The following TAFA5 variants were observed in gnomAD, a reference collection of about 807,000 sequenced individuals.
The protein encoded by TAFA5 is TAFA chemokine like family member 5.
A neutral mutation model predicts 15.3 loss-of-function variants in TAFA5; 6 were observed. The observed-to-expected ratio is 0.39, with a 90% CI of 0.21 to 0.77. The LOEUF (loss-of-function observed/expected upper bound fraction) is 0.77, where lower values mean the gene tolerates loss of function less well. TAFA5 is among the 30% of genes least tolerant of loss of function. The pLI, the probability that TAFA5 is intolerant of heterozygous loss-of-function variation, is 0.41. For synonymous variants in TAFA5, 103 were observed against 80.7 expected, an observed-to-expected ratio of 1.28 and a Z score of -1.48; for missense variants, 161 against 193.1, an observed-to-expected ratio of 0.83 and a Z score of 0.98.
chr22:48,658,927 C>A (rs1927340003), intron 2 of TAFA5, among the ~76,000 whole-genome samples: 1 of 152,184 alleles, frequency 6.6e-6, no homozygotes, highest in Admixed American at 6.5e-5. Flanking sequence ...GGAACCATGG[C>A]CTCAGACTGC....
chr22:48,694,646 C>G (rs1928645266), intron 2 of TAFA5, among the ~76,000 whole-genome samples: 1 of 152,128 alleles, frequency 6.6e-6, no homozygotes, highest in Non-Finnish European at 1.5e-5. Flanking sequence ...TGGTACTGCT[C>G]CCGGGCAGTG....
intron 2 of TAFA5, among the ~76,000 whole-genome samples, chr22:48,682,811 TGC>T (rs1455338061): frequency 3.3e-5 from 5 of 152,132 alleles, no homozygotes; most frequent in Admixed American, 3.3e-4. Flanking sequence ...TTTTTTTTTG[TGC>T]GTGTGTTTAT....
intron 2 of TAFA5, among the ~76,000 whole-genome samples, chr22:48,678,913 C>CATCCCTCTCCT (rs1928067615): frequency 2.3e-5 from 1 of 43,420 alleles, no homozygotes. Flanking sequence ...CCCGGCTCCC[C>CATCCCTCTCCT]GGCTCCCCAG....
chr22:48,658,013 A>G (rs1164532652), intron 2 of TAFA5, among the ~76,000 whole-genome samples: 1 of 152,218 alleles, frequency 6.6e-6, no homozygotes, highest in Non-Finnish European at 1.5e-5. Context: ...CGTCTACAAG[A>G]AGAAATATCT....
At chr22:48,725,507 G>A (rs946656630) in intron 3 of TAFA5, among the ~76,000 whole-genome samples, 4 of 152,086 alleles carry the variant, frequency 2.6e-5, no homozygotes, top group African/African-American at 7.2e-5. Flanking sequence ...CTGCATGGCC[G>A]TGACCCAGGA....
intron 1 of TAFA5, among the ~76,000 whole-genome samples, chr22:48,511,134 G>C (rs1383679990): frequency 6.6e-6 from 1 of 152,224 alleles, no homozygotes; most frequent in African/African-American, 2.4e-5. Flanking sequence ...TCAGGAAGCA[G>C]GGACAGCCCT....
At chr22:48,700,001 A>G (rs1928853443) in intron 2 of TAFA5, among the ~76,000 whole-genome samples, 1 of 152,040 alleles carries the variant, frequency 6.6e-6, no homozygotes, top group South Asian at 2.1e-4. Flanking sequence ...CCTTTGCTGG[A>G]TGTGATGTCT....
chr22:48,634,670 G>A (rs1926380301), intron 1 of TAFA5, among the ~76,000 whole-genome samples: 1 of 141,940 alleles, frequency 7.0e-6, no homozygotes, highest in African/African-American at 2.6e-5. Flanking sequence ...CTCACTCACT[G>A]AGTCACTCAG....
chr22:48,679,789 C>T (rs1928119941), intron 2 of TAFA5, among the ~76,000 whole-genome samples: 1 of 152,044 alleles, frequency 6.6e-6, no homozygotes. Flanking sequence ...CCTGTCCATC[C>T]CTCTCCTGGT....
chr22:48,749,488 G>A (rs131958), intron 3 of TAFA5, among the ~76,000 whole-genome samples: 49,933 of 152,110 alleles, frequency 0.33, 9,409 homozygotes, highest in Non-Finnish European at 0.43. Flanking sequence ...ATTGGATACA[G>A]GGAATAGGGA....
chr22:48,538,212 A>G (rs112143969), intron 1 of TAFA5, among the ~76,000 whole-genome samples: 23,424 of 151,384 alleles, frequency 0.15, 2,242 homozygotes, highest in African/African-American at 0.26. Flanking sequence ...CTGGCGCTCT[A>G]CCGAAAGTCG....
chr22:48,649,792 C>T (rs1216137529), intron 2 of TAFA5, among the ~76,000 whole-genome samples: 1 of 152,182 alleles, frequency 6.6e-6, no homozygotes, highest in Non-Finnish European at 1.5e-5. Flanking sequence ...CGGTGCCCTG[C>T]ACGGCCAAGG....
At chr22:48,631,720 G>C (rs1186264654) in intron 1 of TAFA5, among the ~76,000 whole-genome samples, 16 of 152,216 alleles carry the variant, frequency 1.1e-4, no homozygotes, top group Admixed American at 1.0e-3. Context: ...TGGATCTCAC[G>C]TTGAGAGGAC....
intron 3 of TAFA5, among the ~76,000 whole-genome samples, chr22:48,745,915 G>A (rs960538489): frequency 5.9e-5 from 9 of 152,184 alleles, no homozygotes; most frequent in South Asian, 2.1e-4. Flanking sequence ...AGGGCGGGCC[G>A]GTGAGCTGAG....
chr22:48,638,286 G>A (rs1926525276), intron 1 of TAFA5, among the ~76,000 whole-genome samples: 1 of 128,460 alleles, frequency 7.8e-6, no homozygotes, highest in African/African-American at 3.0e-5. Context: ...CCCCTCCCCT[G>A]ACACTAAGCC....
chr22:48,573,546 C>T lies in TAFA5; in HGVS notation c.113-73051C>T, dbSNP rs146493843. ...TAACTCACTCTTCGGAAGCCCTACA[C>T]GAGGTTCTTGAGTTTGCAGCTGTGA... On this transcript the variant is annotated intron_variant, in intron 1 of 3. Coordinates refer to ENST00000402357, the MANE Select transcript of TAFA5 (RefSeq NM_001082967.3). Among the ~76,000 whole-genome samples the T allele has an allele frequency of 9.4e-3, 1,426 of 152,278 alleles. 13 individuals carry two copies. Among genetic ancestry groups the T allele is most frequent in the Non-Finnish European group, 0.014 (967 of 68,032 alleles).
chr22:48,594,209 T>G (rs1448716311), intron 1 of TAFA5, among the ~76,000 whole-genome samples: 1 of 152,122 alleles, frequency 6.6e-6, no homozygotes, highest in Non-Finnish European at 1.5e-5. Flanking sequence ...CTGCCCGGCG[T>G]TGGGGTGCAG....
intron 2 of TAFA5, among the ~76,000 whole-genome samples, chr22:48,690,317 A>G (rs1222458985): frequency 2.0e-5 from 3 of 152,102 alleles, no homozygotes; most frequent in Non-Finnish European, 4.4e-5. Flanking sequence ...TGGACTCCAC[A>G]TTCCAGAAAG....
chr22:48,684,970 G>C (rs1490151893), intron 2 of TAFA5, among the ~76,000 whole-genome samples: 3 of 152,214 alleles, frequency 2.0e-5, no homozygotes, highest in African/African-American at 7.2e-5. Flanking sequence ...TTGGGTGATA[G>C]TCTCAGGAAG....
Sources: allele counts gnomAD v4.1 joint callset (sites outside exome capture counted in the v4.1 genomes callset), GRCh38; gene constraint gnomAD v4.1.1; transcripts MANE v1.5; gene names NCBI Gene and HGNC (gene_info 2026-07-23, HGNC 2026-07-21).